The following TLE4 variants were observed in gnomAD, a reference collection of about 807,000 sequenced individuals.
TLE4 encodes the protein transducin-like enhancer protein 4.
TLE4 carries 8 observed loss-of-function variants against 92.8 expected under a neutral mutation model. That is an observed-to-expected ratio of 0.09 (90% CI 0.05 to 0.16). The LOEUF is 0.16. Ranked by LOEUF, TLE4 falls within the 10% of genes least tolerant of loss-of-function variation. The pLI is 1.00. For synonymous variants in TLE4, 371 were observed against 374.1 expected, an observed-to-expected ratio of 0.99 and a Z score of 0.10; for missense variants, 675 against 997.6, an observed-to-expected ratio of 0.68 and a Z score of 4.36.
chr9:79,679,626 T>C (rs995254535), intron 8 of TLE4, among the ~76,000 whole-genome samples: 5 of 152,212 alleles, frequency 3.3e-5, no homozygotes, highest in Non-Finnish European at 7.3e-5. Context: ...TTTAATTAGA[T>C]CCCATTTGTC....
chr9:79,623,936 T>C (rs1187911536), intron 5 of TLE4, among the ~76,000 whole-genome samples: 1 of 152,056 alleles, frequency 6.6e-6, no homozygotes, highest in African/African-American at 2.4e-5. Flanking sequence ...ACACTTGGTC[T>C]CTGCAGATTG....
chr9:79,695,275 T>A (rs1324250331), intron 8 of TLE4, among the ~76,000 whole-genome samples: 1 of 152,066 alleles, frequency 6.6e-6, no homozygotes, highest in Non-Finnish European at 1.5e-5. Flanking sequence ...GAAAATTATC[T>A]TGTCACCCTA....
At chr9:79,631,840 A>G (rs2054344663) in intron 6 of TLE4, among the ~76,000 whole-genome samples, 1 of 150,990 alleles carries the variant, frequency 6.6e-6, no homozygotes, top group Admixed American at 6.6e-5. Flanking sequence ...TTAGGCAGAA[A>G]GGGAAAGATA....
At chr9:79,709,513 T>G in intron 13 of TLE4, 110 bp from the exon 14 acceptor site, 2 of 883,858 alleles carry the variant, frequency 2.3e-6, no homozygotes, top group Non-Finnish European at 3.5e-6. Context: ...CTCTAAAACC[T>G]TATTTTTAAA....
rs772596138 is a variant in TLE4, at chr9:79,718,809, G to T, written c.1428G>T (p.Arg476=). 1 of 1,614,112 alleles carries T rather than the reference G, an allele frequency of 6.2e-7. No homozygotes were observed. Among genetic ancestry groups the T allele is most frequent in the African/African-American group, 1.3e-5 (1 of 74,998 alleles). ...PDALIGPGIP[R]HARQINTLNH... ...CCCTCATCGGACCTGGAATCCCCCG[G>T]CATGCTCGCCAGATCAACACCCTCA... The change falls in exon 15 of 20, where the codon CGG becomes CGT. Residue 476 remains arginine (R), a synonymous_variant. Coordinates refer to ENST00000376552, the MANE Select transcript of TLE4 (RefSeq NM_007005.6).
Position 79,726,219 on chromosome 9 carries a change from TG to T in TLE4, c.*1076del, listed in dbSNP as rs1320544118. On this transcript the variant is annotated 3_prime_UTR_variant, in exon 20 of 20. Coordinates refer to ENST00000376552, the MANE Select transcript of TLE4 (RefSeq NM_007005.6). ...CTTTCTTTACCTCCGGTTCTTTCCA[TG>T]TCTTAGTTGGATGTCCCTGAAATGG... 6.5e-6 allele frequency: 1 copy of T among 152,682 alleles called. No homozygotes were observed. Among genetic ancestry groups the T allele is most frequent in the Non-Finnish European group, 1.5e-5 (1 of 68,046 alleles). The allele number at this position is 152,682 out of a possible 1,614,324, so 9.5% of individuals were successfully genotyped here. A position where few individuals can be genotyped will look rare whatever the true frequency, so the allele number is the denominator to read the frequency against.
chr9:79,662,006 C>T (rs915123009), intron 8 of TLE4, among the ~76,000 whole-genome samples: 1 of 152,158 alleles, frequency 6.6e-6, no homozygotes, highest in Non-Finnish European at 1.5e-5. Flanking sequence ...AATCCGCTCA[C>T]GTGCGGTCCA....
intron 18 of TLE4, 70 bp from the exon 19 acceptor site, chr9:79,722,889 C>A: frequency 1.4e-6 from 2 of 1,430,540 alleles, no homozygotes; most frequent in Non-Finnish European, 1.9e-6. Flanking sequence ...GTTTGGTGTT[C>A]TATAAAGCAA....
chr9:79,689,784 G>A (rs1299706173), intron 8 of TLE4, among the ~76,000 whole-genome samples: 1 of 152,198 alleles, frequency 6.6e-6, no homozygotes, highest in East Asian at 1.9e-4. Flanking sequence ...TTGATTAGGA[G>A]TGGTAATTGA....
At chr9:79,639,673 C>G (rs2056743111) in intron 6 of TLE4, among the ~76,000 whole-genome samples, 1 of 152,088 alleles carries the variant, frequency 6.6e-6, no homozygotes, top group South Asian at 2.1e-4. Flanking sequence ...TTTAGATACA[C>G]AAATACCATT....
At chr9:79,677,092 A>G (rs1484018766) in intron 8 of TLE4, among the ~76,000 whole-genome samples, 1 of 152,122 alleles carries the variant, frequency 6.6e-6, no homozygotes, top group African/African-American at 2.4e-5. Flanking sequence ...CAAGTTACTC[A>G]GTTTTCCCCA....
Position 79,690,022 on chromosome 9 carries a change from C to T in TLE4, c.610-14761C>T, listed in dbSNP as rs181424633. Among the ~76,000 whole-genome samples the T allele has an allele frequency of 7.1e-3, 1,082 of 152,190 alleles. 39 individuals are homozygous for T. Among genetic ancestry groups the T allele is most frequent in the Admixed American group, 0.065 (991 of 15,264 alleles). On this transcript the variant is annotated intron_variant, in intron 8 of 19. Transcript: ENST00000376552. ...CCTGACAGACCTTAGAACCACTGCC[C>T]GGTCCTTTGAATTATTTACTCCTTG...
chr9:79,675,024 A>G (rs1256318118), intron 8 of TLE4, among the ~76,000 whole-genome samples: 2 of 152,146 alleles, frequency 1.3e-5, no homozygotes, highest in East Asian at 1.9e-4. Flanking sequence ...ATGAAGAAAA[A>G]AGGGTAGTTT....
At chr9:79,707,079 G>T in intron 11 of TLE4, 180 bp downstream of exon 11, 1 of 1,595,392 alleles carries the variant, frequency 6.3e-7, no homozygotes, top group Non-Finnish European at 8.6e-7. Flanking sequence ...TTACTAACTT[G>T]TTGGTGATGA....
At chr9:79,615,141 C>G (rs1266657283) in intron 5 of TLE4, among the ~76,000 whole-genome samples, 4 of 152,054 alleles carry the variant, frequency 2.6e-5, no homozygotes, top group Non-Finnish European at 1.5e-5. Flanking sequence ...ATTCTGTGAG[C>G]ATTGGACTCC....
In TLE4 at chr9:79,704,518, C is replaced by T. The variant is rs554633178; in HGVS notation, c.610-265C>T. 24 of 457,554 alleles carry T rather than the reference C, an allele frequency of 5.2e-5. No individual in the cohort carries two copies. The South Asian group carries it at 8.6e-4, about 16-fold the overall frequency. 28.3% of individuals were successfully genotyped at this position (457,554 alleles called of 1,614,324 possible). ...ATTCCTGCCACCCTTTTTATTTCCT[C>T]TCCTCCCTCTGTCCCATCTCTCTGC... On this transcript the variant is annotated intron_variant, in intron 8 of 19. Coordinates refer to ENST00000376552, the MANE Select transcript of TLE4 (RefSeq NM_007005.6).
At chr9:79,572,901 C>A in intron 1 of TLE4, 66 bp downstream of exon 1, 1 of 1,529,898 alleles carries the variant, frequency 6.5e-7, no homozygotes, top group Non-Finnish European at 8.9e-7. Context: ...GCCCCCTGCG[C>A]ACCGAGTTGT....
At chr9:79,599,635 G>T (rs1050151884) in intron 4 of TLE4, among the ~76,000 whole-genome samples, 2 of 152,200 alleles carry the variant, frequency 1.3e-5, no homozygotes, top group African/African-American at 4.8e-5. Context: ...CAAATGAAAG[G>T]CTCTAAGATA....
At chr9:79,595,239 G>A (rs1216077857) in intron 4 of TLE4, among the ~76,000 whole-genome samples, 1 of 152,188 alleles carries the variant, frequency 6.6e-6, no homozygotes, top group Non-Finnish European at 1.5e-5. Context: ...AAAGTCTAAG[G>A]CAATAAGAAA....
Sources: allele counts gnomAD v4.1 joint callset (sites outside exome capture counted in the v4.1 genomes callset), GRCh38; gene constraint gnomAD v4.1.1; transcripts MANE v1.5; gene names NCBI Gene and HGNC (gene_info 2026-07-23, HGNC 2026-07-21).